Variants in RAD51AP2 observed in about 807,000 individuals in gnomAD.
RAD51AP2 encodes RAD51 associated protein 2.
In RAD51AP2, 67 loss-of-function variants were observed where a neutral mutation model predicts 85.5. The observed-to-expected ratio is 0.78, with a 90% CI of 0.64 to 0.96. The LOEUF (loss-of-function observed/expected upper bound fraction) is 0.96, where lower values mean the gene tolerates loss of function less well. RAD51AP2 is among the 40% of genes least tolerant of loss of function. RAD51AP2 has a pLI of 0.00. For missense variants in RAD51AP2, 1,307 were observed against 1,332.4 expected (o/e 0.98, Z 0.30); for synonymous variants, 474 against 446.5 (o/e 1.06, Z -0.78).
the RAD51AP2 span, among the ~76,000 whole-genome samples, chr2:17,525,451 G>C: frequency 6.6e-6 from 1 of 152,002 alleles, no homozygotes; most frequent in African/African-American, 2.4e-5. Flanking sequence ...GCATTAGTGC[G>C]TACTGCAATG....
At chr2:17,523,887 T>C in the RAD51AP2 span, among the ~76,000 whole-genome samples, 1 of 151,932 alleles carries the variant, frequency 6.6e-6, no homozygotes, top group Non-Finnish European at 1.5e-5. Context: ...TGAATAATCA[T>C]TGAATCATAA....
chr2:17,510,727 C>T lies in RAD51AP2; in HGVS notation c.*77G>A, dbSNP rs1338839605. 16 of 1,015,884 alleles carry T rather than the reference C, an allele frequency of 1.6e-5. No homozygotes were observed. Among genetic ancestry groups the T allele is most frequent in the Middle Eastern group, 2.4e-4 (1 of 4,196 alleles). 62.9% of individuals were successfully genotyped at this position (1,015,884 alleles called of 1,614,324 possible). On this transcript the variant is annotated 3_prime_UTR_variant, in exon 3 of 3. Transcript: ENST00000399080. ...ACTTTATAATAAAGCAAGCCCCAAACCCCCAAGCTGGAAGAACATATATCC... is the reference window on the plus strand; with the variant it reads ...ACTTTATAATAAAGCAAGCCCCAAATCCCCAAGCTGGAAGAACATATATCC...
rs374295663 is a variant in RAD51AP2 at position 17,515,629 on chromosome 2, A to G, written c.2787T>C (p.His929=). Residue 929 remains histidine, a synonymous_variant, in exon 1 of 3, where the codon CAT becomes CAC. Coordinates refer to ENST00000399080, the MANE Select transcript of RAD51AP2 (RefSeq NM_001099218.3). ...CTTCACTCAGACCAGTTTCAAATTG[A>G]TGATTAATATATAATGCAGAGTCAT... The part of the protein sequence containing the change: ...RKNDSALYIN[H]QFETGLSEGN... 6.2e-6 allele frequency: 10 copies of G among 1,612,108 alleles called. No homozygotes were observed. The highest frequency in any genetic ancestry group is 6.8e-6 in the Non-Finnish European group (8 of 1,179,314).
intron 2 of RAD51AP2, among the ~76,000 whole-genome samples, chr2:17,511,884 T>C (rs1321812037): frequency 1.3e-5 from 2 of 152,122 alleles, no homozygotes; most frequent in African/African-American, 4.8e-5. Flanking sequence ...CTCTATTCAA[T>C]ATTAAAATTA....
rs665312 is a variant in RAD51AP2, at chr2:17,517,411, A to G, written c.1005T>C (p.Ser335=). 0.66 allele frequency: 1,057,153 copies of G among 1,613,092 alleles called. 356,041 individuals are homozygous for G. The highest frequency in any genetic ancestry group is 0.88 in the East Asian group (39,404 of 44,846). The change falls in exon 1 of 3, where the codon AGT becomes AGC. Residue 335 remains serine, a synonymous_variant. Transcript: ENST00000399080. ...KCYENDYPSL[S]SQNTCKRKDL... is the part of the protein sequence containing the mutation. ...CTTTTCTCTTACAAGTATTTTGGCT[A>G]CTGAGTGATGGGTAGTCATTTTCAT...
upstream of RAD51AP2, among the ~76,000 whole-genome samples, chr2:17,523,411 A>G (rs1662898462): frequency 6.6e-6 from 1 of 151,916 alleles, no homozygotes; most frequent in Non-Finnish European, 1.5e-5. Context: ...AGCATATGCT[A>G]CAGATCAGAG....
chr2:17,517,123 A>C lies in RAD51AP2; in HGVS notation c.1293T>G (p.Asn431Lys). ...ENMKKTEEKW[N>K]WLLLLEIDLL... is the part of the protein sequence containing the mutation. ...GGTCTATTTCTAATAATAATAGCCAATTCCATTTTTCTTCAGTTTTTTTCA... is the reference window on the plus strand; with the variant it reads ...GGTCTATTTCTAATAATAATAGCCACTTCCATTTTTCTTCAGTTTTTTTCA... Residue 431 changes from asparagine (N) to lysine (K), a missense_variant, in exon 1 of 3, where the codon AAT becomes AAG. By Grantham distance (94) the Asn-to-Lys change is moderately conservative (BLOSUM62 0). Transcript: ENST00000399080. The C allele has an allele frequency of 6.2e-7, 1 of 1,611,320 alleles. No individual in the cohort carries two copies. The highest frequency in any genetic ancestry group is 8.5e-7 in the Non-Finnish European group (1 of 1,178,884).
the RAD51AP2 span, among the ~76,000 whole-genome samples, chr2:17,525,891 G>A: frequency 6.6e-6 from 1 of 152,186 alleles, no homozygotes; most frequent in East Asian, 1.9e-4. Flanking sequence ...CAAGGCAGCA[G>A]CTGGGCTTGG....
At chr2:17,532,260 A>T in the RAD51AP2 span, among the ~76,000 whole-genome samples, 2 of 152,098 alleles carry the variant, frequency 1.3e-5, no homozygotes, top group Non-Finnish European at 2.9e-5. Context: ...GGAAATCTAA[A>T]ATCAAAGTAT....
chr2:17,526,371 G>T, the RAD51AP2 span, among the ~76,000 whole-genome samples: 2 of 151,870 alleles, frequency 1.3e-5, no homozygotes, highest in Non-Finnish European at 2.9e-5. Flanking sequence ...ATTTATATGT[G>T]GTTCCTTGTT....
At chr2:17,518,451 G>A, upstream of RAD51AP2, 2 of 1,584,880 alleles carry the variant, frequency 1.3e-6, no homozygotes, top group Non-Finnish European at 1.7e-6. Flanking sequence ...GAGTCCCGGC[G>A]GGGCTCCAAT....
chr2:17,534,240 T>A, the RAD51AP2 span, among the ~76,000 whole-genome samples: 3 of 152,214 alleles, frequency 2.0e-5, no homozygotes, highest in Admixed American at 2.0e-4. Context: ...TGACTTTTTG[T>A]TTTTATATAC....
chr2:17,517,938 G>A lies in RAD51AP2; in HGVS notation c.478C>T (p.Pro160Ser). Residue 160 changes from proline (P) to serine (S), a missense_variant, in exon 1 of 3, where the codon CCC (proline) becomes TCC (serine). Transcript: ENST00000399080. ...SSKAGVSQLL[P>S]STSIHDIHGI... The stretch of plus-strand genomic sequence containing the variant: ...TGTATATCGTGTATAGAGGTGCTGG[G>A]CAGAAGTTGACTAACCCCTGCTTTG... 2 of 1,614,086 alleles carry A rather than the reference G, an allele frequency of 1.2e-6. No individual in the cohort carries two copies. The highest frequency in any genetic ancestry group is 1.7e-6 in the Non-Finnish European group (2 of 1,180,014).
At chr2:17,518,454 G>T (rs921702708), upstream of RAD51AP2, 6 of 1,581,012 alleles carry the variant, frequency 3.8e-6, no homozygotes, top group East Asian at 1.3e-4. Flanking sequence ...TCCCGGCGGG[G>T]CTCCAATCCC....
Position 17,515,461 on chromosome 2 carries a change from A to G in RAD51AP2, c.2955T>C (p.Asn985=). 2 of 1,613,480 alleles carry G rather than the reference A, an allele frequency of 1.2e-6. No homozygotes were observed. The highest frequency in any genetic ancestry group is 1.7e-6 in the Non-Finnish European group (2 of 1,179,832). ...LRMFHEISRE[N]ELLSTVETNN... ...TTGTTTCCACAGTGCTTAGAAGTTC[A>G]TTTTCCCTACTAATTTCATGAAACA... The change falls in exon 1 of 3, where the codon AAT becomes AAC. Residue 985 remains asparagine, a synonymous_variant. Transcript: ENST00000399080.
At chr2:17,530,251 G>A in the RAD51AP2 span, among the ~76,000 whole-genome samples, 1 of 152,124 alleles carries the variant, frequency 6.6e-6, no homozygotes, top group Non-Finnish European at 1.5e-5. Flanking sequence ...AATATTCAGA[G>A]AAGGAAATAA....
At chr2:17,520,599 T>C (rs1470814560), upstream of RAD51AP2, among the ~76,000 whole-genome samples, 1 of 152,094 alleles carries the variant, frequency 6.6e-6, no homozygotes, top group Non-Finnish European at 1.5e-5. Context: ...ATAAAAGGAT[T>C]AATGAGTTCA....
upstream of RAD51AP2, among the ~76,000 whole-genome samples, chr2:17,522,341 C>T (rs1199532417): frequency 1.3e-5 from 2 of 151,986 alleles, no homozygotes; most frequent in African/African-American, 4.8e-5. Context: ...TATGCTGCTT[C>T]GTTTGCTTAA....
rs749708237 is a variant in RAD51AP2 at position 17,516,969 on chromosome 2, C to T, written c.1447G>A (p.Gly483Arg). 18 of 1,596,828 alleles carry T rather than the reference C, an allele frequency of 1.1e-5. 1 individual carries two copies. In the South Asian group the frequency reaches 2.1e-4, roughly 18 times the overall value. The change falls in exon 1 of 3, where the codon GGA becomes AGA. Residue 483 changes from glycine (G) to arginine (R), a missense_variant. This residue lies in a region of RAD51AP2 where 635 missense variants were observed against 643.6 expected (regional missense o/e 0.99). Coordinates refer to ENST00000399080, the MANE Select transcript of RAD51AP2 (RefSeq NM_001099218.3). ...LITTVWLNGK[G>R]ENDNTLQLRY... is the part of the protein sequence containing the mutation. Reference sequence around the variant, plus strand: ...AACTGTAGAGTATTATCATTTTCTCCTTTACCATTTAGCCAAACAGTCGTT... The same window carrying T: ...AACTGTAGAGTATTATCATTTTCTCTTTTACCATTTAGCCAAACAGTCGTT...
Sources: allele counts gnomAD v4.1 joint callset (sites outside exome capture counted in the v4.1 genomes callset), GRCh38; gene constraint gnomAD v4.1.1; regional missense constraint gnomAD v4.1.1; transcripts MANE v1.5; gene names NCBI Gene and HGNC (gene_info 2026-07-23, HGNC 2026-07-21).